PTPRG: variants seen among roughly 807,000 people sequenced by gnomAD.
The protein encoded by PTPRG is protein tyrosine phosphatase receptor type G.
PTPRG carries 102 observed loss-of-function variants against 165.3 expected under a neutral mutation model. That is an observed-to-expected ratio of 0.62 (90% confidence interval 0.53 to 0.73). The LOEUF (loss-of-function observed/expected upper bound fraction) is 0.73, where lower values mean the gene tolerates loss of function less well. Ranked by LOEUF, PTPRG falls within the 30% of genes least tolerant of loss-of-function variation. The probability of loss-of-function intolerance (pLI) is 0.00; values close to 1 mark genes in which losing one functional copy is unlikely to be tolerated. For synonymous variants in PTPRG, 675 were observed against 669.5 expected (o/e 1.01, Z -0.13); for missense variants, 1,866 against 1,861.4 (o/e 1.00, Z -0.05).
chr3:62,003,546 G>A, intron 4 of PTPRG, 49 bp downstream of exon 4: 1 of 1,602,350 alleles, frequency 6.2e-7, no homozygotes. Flanking sequence ...CGGTCTTTAT[G>A]TTAATCAGAT....
intron 2 of PTPRG, among the ~76,000 whole-genome samples, chr3:61,903,249 G>C (rs570369189): frequency 3.3e-5 from 5 of 152,128 alleles, no homozygotes; most frequent in African/African-American, 9.6e-5. Flanking sequence ...GCCTTACCTC[G>C]TCCTTTCATC....
At chr3:62,283,178 T>C (rs1453487466) in intron 28 of PTPRG, among the ~76,000 whole-genome samples, 1 of 152,138 alleles carries the variant, frequency 6.6e-6, no homozygotes, top group Non-Finnish European at 1.5e-5. Context: ...AACAAATGAG[T>C]AAATTAATAA....
intron 1 of PTPRG, among the ~76,000 whole-genome samples, chr3:61,681,054 T>TAAAAAAAAAAAA (rs61198100): frequency 2.1e-4 from 14 of 66,076 alleles, no homozygotes; most frequent in East Asian, 3.9e-4. Flanking sequence ...CTTTATGTTC[T>TAAAAAAAAAAAA]AAAAAAAAAA....
Position 62,229,000 on chromosome 3 carries a change from C to G in PTPRG, c.2289-2225C>G, listed in dbSNP as rs1669316684. On this transcript the variant is annotated intron_variant, in intron 13 of 29. Coordinates refer to ENST00000474889, the MANE Select transcript of PTPRG (RefSeq NM_002841.4). The surrounding 1 kb of genome is among the most constrained non-coding windows in gnomAD (Gnocchi z 4.1). ...GGAACCCATATCTGTGGCCATATTT[C>G]AAGACTTTTTTTTAATCATTAGGAA... is the stretch of plus-strand genomic sequence containing the variant. Among the ~76,000 whole-genome samples, 1 of 152,014 alleles carries G rather than the reference C, an allele frequency of 6.6e-6. No homozygotes were observed. The highest frequency in any genetic ancestry group is 2.4e-5 in the African/African-American group (1 of 41,386).
intron 8 of PTPRG, among the ~76,000 whole-genome samples, chr3:62,171,446 G>A (rs1272573212): frequency 1.3e-5 from 2 of 152,080 alleles, no homozygotes; most frequent in African/African-American, 4.8e-5. Context: ...ATAATATACA[G>A]CTATGGTAAA....
intron 2 of PTPRG, among the ~76,000 whole-genome samples, chr3:61,894,356 G>C (rs1032774826): frequency 7.0e-5 from 10 of 143,682 alleles, no homozygotes; most frequent in African/African-American, 2.7e-4. Flanking sequence ...ATCTTATCTG[G>C]TGCTGGAGGA....
intron 1 of PTPRG, among the ~76,000 whole-genome samples, chr3:61,683,430 A>T (rs1260272086): frequency 3.1e-5 from 4 of 129,090 alleles, no homozygotes; most frequent in Non-Finnish European, 5.5e-5. Flanking sequence ...TAAGTCAAGG[A>T]TGTGTTTTTT....
At chr3:61,846,878 G>T (rs1296134063) in intron 2 of PTPRG, among the ~76,000 whole-genome samples, 1 of 152,156 alleles carries the variant, frequency 6.6e-6, no homozygotes, top group Admixed American at 6.5e-5. Flanking sequence ...TGGCACCACT[G>T]CACTCCAGTC....
At chr3:62,038,534 G>A (rs1191882880) in intron 4 of PTPRG, among the ~76,000 whole-genome samples, 1 of 152,110 alleles carries the variant, frequency 6.6e-6, no homozygotes, top group Non-Finnish European at 1.5e-5. Context: ...AGTAGCTGGG[G>A]CCATAGGCCC....
chr3:61,792,673 TTTCTTTCTTTCTTTCTTTC>T (rs1559614453), intron 2 of PTPRG, among the ~76,000 whole-genome samples: 1 of 126 alleles, frequency 7.9e-3, no homozygotes. Flanking sequence ...GTGGGTTTTC[TTTCTTTCTTTCTTTCTTTC>T]TTTCTTTCTT....
intron 2 of PTPRG, among the ~76,000 whole-genome samples, chr3:61,988,958 A>C (rs1421240934): frequency 6.6e-6 from 1 of 152,106 alleles, no homozygotes; most frequent in Non-Finnish European, 1.5e-5. Flanking sequence ...GTCCCCCCAA[A>C]TTCTTTATTT....
intron 4 of PTPRG, among the ~76,000 whole-genome samples, chr3:62,040,669 G>GGTCTCCATCTC (rs11269426): frequency 0.86 from 130,328 of 151,956 alleles, 56,655 homozygotes; most frequent in Non-Finnish European, 0.92. Context: ...TGGCCAGGAT[G>GGTCTCCATCTC]TTGACCTCAT....
At chr3:62,058,119 A>G (rs921270849) in intron 4 of PTPRG, among the ~76,000 whole-genome samples, 1 of 152,176 alleles carries the variant, frequency 6.6e-6, no homozygotes, top group Admixed American at 6.5e-5. Flanking sequence ...CTAGCATGCA[A>G]TTCCCCATGG....
Position 61,895,500 on chromosome 3 carries a change from G to A in PTPRG, c.191-94125G>A, listed in dbSNP as rs147250357. The stretch of plus-strand genomic sequence containing the variant: ...TCCAGGTTTCCGAGCTTGTAAAATC[G>A]CATGCTGTGCATATAAATGTATAGG... On this transcript the variant is annotated intron_variant, in intron 2 of 29. Coordinates refer to ENST00000474889, the MANE Select transcript of PTPRG (RefSeq NM_002841.4). Among the ~76,000 whole-genome samples the A allele has an allele frequency of 2.8e-3, 424 of 152,190 alleles. 1 individual carries two copies. Among genetic ancestry groups the A allele is most frequent in the African/African-American group, 9.5e-3 (396 of 41,534 alleles).
chr3:61,795,451 C>T (rs1391532073), intron 2 of PTPRG, among the ~76,000 whole-genome samples: 3 of 151,814 alleles, frequency 2.0e-5, no homozygotes, highest in African/African-American at 7.3e-5. Context: ...ACCAGCCTGA[C>T]AAACATGGTG....
intron 2 of PTPRG, among the ~76,000 whole-genome samples, chr3:61,820,519 C>T (rs1253781002): frequency 6.6e-6 from 1 of 151,938 alleles, no homozygotes; most frequent in Non-Finnish European, 1.5e-5. Context: ...TCTGGGCACC[C>T]CATGGCCCAG....
chr3:61,943,653 A>T (rs527258016), intron 2 of PTPRG, among the ~76,000 whole-genome samples: 5 of 152,364 alleles, frequency 3.3e-5, no homozygotes, highest in African/African-American at 1.2e-4. Flanking sequence ...GCAGTGAAAA[A>T]GTTCTTAATA....
rs1703979366 is a variant in PTPRG, at chr3:62,142,816, AAC to A, written c.682+10152_682+10153del. Among the ~76,000 whole-genome samples, 3 of 152,192 alleles carry A rather than the reference AAC, an allele frequency of 2.0e-5. No homozygotes were observed. The South Asian group carries it at 6.2e-4, about 31-fold the overall frequency. On this transcript the variant is annotated intron_variant, in intron 6 of 29. Coordinates refer to ENST00000474889, the MANE Select transcript of PTPRG (RefSeq NM_002841.4). ...GATGGGTTGTCAAGTGACAGGTTTA[AAC>A]ACAAAGGGCGCCTCACTGCTGCTGT...
intron 4 of PTPRG, among the ~76,000 whole-genome samples, chr3:62,047,707 A>G (rs1051732570): frequency 1.3e-5 from 2 of 152,204 alleles, no homozygotes; most frequent in African/African-American, 4.8e-5. Context: ...TTAATGCTGG[A>G]TGTCAATGCT....
Sources: gnomAD v4.1 joint callset for allele counts (sites outside exome capture counted in the v4.1 genomes callset) on GRCh38, gnomAD v4.1.1 for gene constraint, Gnocchi (gnomAD v3.1) non-coding constraint, MANE v1.5 for transcripts, NCBI Gene and HGNC (gene_info 2026-07-23, HGNC 2026-07-21) for gene names.